Variants in CAMK2G observed in about 807,000 individuals in gnomAD.
The protein encoded by CAMK2G is calcium/calmodulin dependent protein kinase II gamma.
In CAMK2G, 23 loss-of-function variants were observed where a neutral mutation model predicts 88.7. That is an observed-to-expected ratio of 0.26 (90% CI 0.19 to 0.37). The LOEUF is 0.37. Among genes scored for constraint, CAMK2G ranks in the 10% least tolerant of loss-of-function variants. The pLI, the probability that CAMK2G is intolerant of heterozygous loss-of-function variation, is 1.00. For synonymous variants in CAMK2G, 263 were observed against 294.8 expected (o/e 0.89, Z 1.11); for missense variants, 476 against 780.8 (o/e 0.61, Z 4.65).
intron 4 of CAMK2G, 95 bp downstream of exon 4, chr10:73,853,097 C>A: frequency 1.7e-6 from 2 of 1,154,388 alleles, no homozygotes; most frequent in Non-Finnish European, 2.6e-6. Context: ...GGGCCCTGGG[C>A]GGAGGCTGGA....
chr10:73,841,099 A>G (rs2093742042), intron 12 of CAMK2G, among the ~76,000 whole-genome samples: 1 of 152,194 alleles, frequency 6.6e-6, no homozygotes, highest in African/African-American at 2.4e-5. Flanking sequence ...CCGGAGCTCC[A>G]TGGCTCTCAG....
intron 3 of CAMK2G, among the ~76,000 whole-genome samples, chr10:73,856,860 C>G (rs555525409): frequency 2.6e-5 from 4 of 152,374 alleles, no homozygotes; most frequent in Admixed American, 1.3e-4. Context: ...GAGATAGCCA[C>G]AACCCAAATG....
At chr10:73,817,351 G>A in intron 20 of CAMK2G, 128 bp downstream of exon 20, 1 of 819,358 alleles carries the variant, frequency 1.2e-6, no homozygotes. Flanking sequence ...CAGTTTAGGA[G>A]AGGGCTTAAC....
intron 2 of CAMK2G, among the ~76,000 whole-genome samples, chr10:73,864,027 C>T (rs867772263): frequency 5.3e-5 from 8 of 152,198 alleles, no homozygotes; most frequent in Admixed American, 3.3e-4. Flanking sequence ...TAAACCCACC[C>T]GAGCTTCATT....
At chr10:73,872,335 C>T (rs977811386) in intron 2 of CAMK2G, among the ~76,000 whole-genome samples, 7 of 152,246 alleles carry the variant, frequency 4.6e-5, no homozygotes, top group Non-Finnish European at 5.9e-5. Flanking sequence ...CTGCCCAAAC[C>T]GGGCCTTTGG....
intron 18 of CAMK2G, among the ~76,000 whole-genome samples, chr10:73,820,492 A>ATATTTTTTT (rs1554995765): frequency 1.8e-4 from 9 of 51,062 alleles, no homozygotes; most frequent in African/African-American, 4.4e-4. Context: ...ATATATATAT[A>ATATTTTTTT]TTTTTTTTTT....
chr10:73,841,319 G>A (rs1238542311), intron 12 of CAMK2G, among the ~76,000 whole-genome samples: 1 of 152,170 alleles, frequency 6.6e-6, no homozygotes, highest in East Asian at 1.9e-4. Flanking sequence ...AAGGAGAAGG[G>A]GGGGTCTTGA....
intron 5 of CAMK2G, among the ~76,000 whole-genome samples, chr10:73,851,720 A>T (rs1457225520): frequency 1.4e-5 from 2 of 138,070 alleles, no homozygotes; most frequent in African/African-American, 5.5e-5. Flanking sequence ...AAAGCTTTGT[A>T]AAACATTCAT....
intron 1 of CAMK2G, chr10:73,873,375 G>T (rs1003203294): frequency 2.9e-5 from 37 of 1,291,496 alleles, no homozygotes; most frequent in Non-Finnish European, 3.4e-5. Flanking sequence ...GGTGGGCGAT[G>T]CTGAAAACAC....
intron 15 of CAMK2G, among the ~76,000 whole-genome samples, 162 bp downstream of exon 15, chr10:73,827,927 G>A (rs1270014001): frequency 6.6e-6 from 1 of 152,226 alleles, no homozygotes; most frequent in Non-Finnish European, 1.5e-5. Context: ...GGTGACCTTG[G>A]GCAATGGCCC....
intron 6 of CAMK2G, 21 bp downstream of exon 6, chr10:73,849,240 G>A (rs768647844): frequency 1.4e-5 from 22 of 1,605,508 alleles, no homozygotes; most frequent in Middle Eastern, 3.3e-4. Context: ...GCAGAGGCAC[G>A]GAGGGGAGCC....
intron 2 of CAMK2G, among the ~76,000 whole-genome samples, chr10:73,866,548 G>A (rs565315613): frequency 4.1e-4 from 63 of 152,232 alleles, no homozygotes; most frequent in African/African-American, 1.4e-3. Flanking sequence ...ACGTGGGAAA[G>A]GATGCACATT....
intron 2 of CAMK2G, among the ~76,000 whole-genome samples, chr10:73,862,515 A>G (rs1353666163): frequency 1.3e-5 from 2 of 152,206 alleles, no homozygotes; most frequent in African/African-American, 2.4e-5. Context: ...TGTCAGGCAG[A>G]GGCATGGATT....
At chr10:73,816,000 A>G in intron 21 of CAMK2G, 2 of 985,298 alleles carry the variant, frequency 2.0e-6, no homozygotes, top group Non-Finnish European at 2.4e-6. Context: ...AATTACTTAG[A>G]TAACAGAGAG....
chr10:73,815,369 G>GCCC (rs57601302), intron 21 of CAMK2G, 122 bp from the exon 22 acceptor site: 41 of 628,462 alleles, frequency 6.5e-5, no homozygotes, highest in African/African-American at 2.1e-4. Flanking sequence ...TCCAAGTACC[G>GCCC]CCCCCCCCCA....
intron 14 of CAMK2G, among the ~76,000 whole-genome samples, chr10:73,830,233 C>T (rs1192849128): frequency 1.3e-5 from 2 of 152,176 alleles, no homozygotes; most frequent in African/African-American, 4.8e-5. Flanking sequence ...AGCTGGGCTC[C>T]TTCTGAACCA....
chr10:73,823,665 G>C (rs2089928238), intron 17 of CAMK2G, among the ~76,000 whole-genome samples: 1 of 152,190 alleles, frequency 6.6e-6, no homozygotes, highest in East Asian at 1.9e-4. Flanking sequence ...AAAACATCAA[G>C]GGCACAAAGG....
At chr10:73,840,592 G>C (rs774479907) in intron 12 of CAMK2G, among the ~76,000 whole-genome samples, 12 of 152,322 alleles carry the variant, frequency 7.9e-5, no homozygotes, top group Non-Finnish European at 1.5e-4. Context: ...AGAACAGGAG[G>C]CTCTACAGGG....
At chr10:73,836,080 C>G (rs1255573396) in intron 14 of CAMK2G, among the ~76,000 whole-genome samples, 1 of 151,968 alleles carries the variant, frequency 6.6e-6, no homozygotes, top group African/African-American at 2.4e-5. Flanking sequence ...GTGATCCACC[C>G]GCCTTAGCCT....
Sources: gnomAD v4.1 joint callset for allele counts (sites outside exome capture counted in the v4.1 genomes callset) on GRCh38, gnomAD v4.1.1 for gene constraint, MANE v1.5 for transcripts, NCBI Gene and HGNC (gene_info 2026-07-23, HGNC 2026-07-21) for gene names.